Variants in LRRC4C observed in about 807,000 individuals in gnomAD.
The protein encoded by LRRC4C is leucine rich repeat containing 4C.
In LRRC4C, 5 loss-of-function variants were observed where a neutral mutation model predicts 33.6. The ratio of observed to expected loss-of-function variants is 0.15; its 90% CI spans 0.08 to 0.31. LRRC4C has a LOEUF of 0.31. Ranked by LOEUF, LRRC4C falls within the 10% of genes least tolerant of loss-of-function variation. LRRC4C has a pLI of 1.00. For missense variants in LRRC4C, 560 were observed against 796.7 expected, an observed-to-expected ratio of 0.70 and a Z score of 3.58; for synonymous variants, 329 against 302.0, an observed-to-expected ratio of 1.09 and a Z score of -0.93.
intron 3 of LRRC4C, among the ~76,000 whole-genome samples, chr11:40,501,391 G>T (rs1004183245): frequency 6.6e-6 from 1 of 152,094 alleles, no homozygotes; most frequent in Non-Finnish European, 1.5e-5. Context: ...TTTCCCTTCC[G>T]CACTGCCCTA....
In LRRC4C at chr11:41,446,846, T is replaced by C. The variant is rs187540894; in HGVS notation, c.-496+12585A>G. Among the ~76,000 whole-genome samples the C allele has an allele frequency of 6.4e-3, 982 of 152,316 alleles. 12 individuals are homozygous for C. The highest frequency in any genetic ancestry group is 0.023 in the African/African-American group (946 of 41,576). On this transcript the variant is annotated intron_variant, in intron 1 of 6. Transcript: ENST00000528697. ...GCCCCTTTCCTTACCAAGGAGACTG[T>C]GGTTCATTGTTGCTAGACCATGTGC... is the stretch of plus-strand genomic sequence containing the variant.
At chr11:40,244,266 G>T (rs960003373) in intron 4 of LRRC4C, among the ~76,000 whole-genome samples, 1 of 152,008 alleles carries the variant, frequency 6.6e-6, no homozygotes, top group African/African-American at 2.4e-5. Context: ...GAAGCCTCAA[G>T]ATCTCTCTGA....
chr11:41,012,727 T>C (rs1397152828), intron 1 of LRRC4C, among the ~76,000 whole-genome samples: 2 of 152,188 alleles, frequency 1.3e-5, no homozygotes, highest in African/African-American at 4.8e-5. Flanking sequence ...CTTTTTTCTC[T>C]ACATTCTCAC....
At chr11:40,488,625 T>C (rs1486768591) in intron 3 of LRRC4C, among the ~76,000 whole-genome samples, 1 of 152,118 alleles carries the variant, frequency 6.6e-6, no homozygotes, top group Non-Finnish European at 1.5e-5. Context: ...GAATCTTCTC[T>C]TTCAGCAGCT....
At chr11:41,271,151 G>T (rs1949307115) in intron 1 of LRRC4C, among the ~76,000 whole-genome samples, 1 of 152,052 alleles carries the variant, frequency 6.6e-6, no homozygotes, top group South Asian at 2.1e-4. Context: ...ATCCTCTATA[G>T]TTGCCTCACA....
At chr11:40,729,807 A>C (rs4320941) in intron 2 of LRRC4C, among the ~76,000 whole-genome samples, 56,844 of 152,036 alleles carry the variant, frequency 0.37, 10,933 homozygotes, top group African/African-American at 0.4. Context: ...TGGTAGAATC[A>C]TATCATTTTT....
chr11:40,927,720 G>T (rs1957458363), intron 2 of LRRC4C, among the ~76,000 whole-genome samples: 1 of 151,640 alleles, frequency 6.6e-6, no homozygotes, highest in South Asian at 2.1e-4. Flanking sequence ...AATAGCAAAG[G>T]GCATATTGAT....
At position 41,114,560 on chromosome 11, in the gene LRRC4C, C is replaced by T. The variant is rs188323162; in HGVS notation, c.-495-180837G>A. On this transcript the variant is annotated intron_variant, in intron 1 of 6. Coordinates refer to ENST00000528697, the MANE Select transcript of LRRC4C (RefSeq NM_001258419.2). ...GCAATTTAAGTAAAATTTAATAGCA[C>T]TTTCCCCCAAAAAATCAGTAAACAT... Among the ~76,000 whole-genome samples, 559 of 152,112 alleles carry T rather than the reference C, an allele frequency of 3.7e-3. 4 individuals carry two copies. Among genetic ancestry groups the T allele is most frequent in the African/African-American group, 0.013 (527 of 41,550 alleles).
intron 2 of LRRC4C, among the ~76,000 whole-genome samples, chr11:40,855,289 A>G (rs1953725444): frequency 6.6e-6 from 1 of 152,182 alleles, no homozygotes; most frequent in African/African-American, 2.4e-5. Flanking sequence ...CTCTCTACTG[A>G]GATGTTTTTA....
intron 1 of LRRC4C, among the ~76,000 whole-genome samples, chr11:41,316,281 A>G (rs11036352): frequency 6.8e-6 from 1 of 147,196 alleles, no homozygotes; most frequent in African/African-American, 2.6e-5. Context: ...AAAAAAAAAC[A>G]AAAAAAAACA....
chr11:40,424,460 A>G (rs1252331778), intron 3 of LRRC4C, among the ~76,000 whole-genome samples: 1 of 152,210 alleles, frequency 6.6e-6, no homozygotes, highest in Non-Finnish European at 1.5e-5. Context: ...ATTGTTTTGC[A>G]GTTATTTCTT....
intron 1 of LRRC4C, among the ~76,000 whole-genome samples, chr11:41,325,562 T>C (rs1387064817): frequency 1.4e-5 from 1 of 70,728 alleles, no homozygotes; most frequent in Non-Finnish European, 3.1e-5. Context: ...TTATTGTCCT[T>C]ATAGTTTTTT....
Position 41,308,856 on chromosome 11 carries a change from G to A in LRRC4C, c.-496+150575C>T, listed in dbSNP as rs576259835. Among the ~76,000 whole-genome samples the A allele has an allele frequency of 2.6e-5, 4 of 151,520 alleles. No individual in the cohort carries two copies. In the South Asian group the frequency reaches 8.4e-4, roughly 32 times the overall value. ...TTTTGCTCTTGTCACCCAGGCTGGA[G>A]TGCAGTGGCGCAATCTTAGCTCACT... On this transcript the variant is annotated intron_variant, in intron 1 of 6. Coordinates refer to ENST00000528697, the MANE Select transcript of LRRC4C (RefSeq NM_001258419.2).
chr11:40,415,553 C>T (rs191352935), intron 3 of LRRC4C, among the ~76,000 whole-genome samples: 2 of 152,026 alleles, frequency 1.3e-5, no homozygotes. Context: ...GGTAAACTAG[C>T]GTACTGATGG....
chr11:40,617,014 A>G (rs908811962), intron 3 of LRRC4C, among the ~76,000 whole-genome samples: 2 of 151,636 alleles, frequency 1.3e-5, no homozygotes, highest in South Asian at 4.1e-4. Context: ...TACATGACAG[A>G]TAGCCACTTC....
intron 2 of LRRC4C, among the ~76,000 whole-genome samples, chr11:40,722,545 A>G (rs902333760): frequency 3.8e-4 from 58 of 152,168 alleles, no homozygotes; most frequent in African/African-American, 1.4e-3. Context: ...CCCTTACACA[A>G]CATACACTGC....
At chr11:40,934,578 CT>C (rs1055301164) in intron 1 of LRRC4C, among the ~76,000 whole-genome samples, 1 of 151,344 alleles carries the variant, frequency 6.6e-6, no homozygotes, top group African/African-American at 2.4e-5. Flanking sequence ...AATTAAAACA[CT>C]TTTTTTTTCA....
At chr11:41,423,969 C>T (rs1954955766) in intron 1 of LRRC4C, 2 of 152,060 alleles carry the variant, frequency 1.3e-5, no homozygotes, top group African/African-American at 4.8e-5. Flanking sequence ...CCTCCCCAGC[C>T]ACCTGGAACT....
At chr11:40,728,347 T>C (rs2136751852) in intron 2 of LRRC4C, among the ~76,000 whole-genome samples, 1 of 151,934 alleles carries the variant, frequency 6.6e-6, no homozygotes. Context: ...GGCTCAAGCC[T>C]GTAATCCCAG....
Sources: gnomAD v4.1 joint callset for allele counts (sites outside exome capture counted in the v4.1 genomes callset) on GRCh38, gnomAD v4.1.1 for gene constraint, MANE v1.5 for transcripts, NCBI Gene and HGNC (gene_info 2026-07-23, HGNC 2026-07-21) for gene names.